Variants in ASIC2 observed in about 807,000 individuals in gnomAD.
ASIC2 encodes acid sensing ion channel subunit 2, also known as acid-sensing ion channel 2.
ASIC2 carries 25 observed loss-of-function variants against 57.3 expected under a neutral mutation model. The observed-to-expected ratio is 0.44, with a 90% CI of 0.32 to 0.61. The LOEUF (loss-of-function observed/expected upper bound fraction) is 0.61. ASIC2 is among the 20% of genes least tolerant of loss of function. The pLI is 0.06. For synonymous variants in ASIC2, 319 were observed against 307.5 expected, an observed-to-expected ratio of 1.04 and a Z score of -0.39; for missense variants, 641 against 738.1, an observed-to-expected ratio of 0.87 and a Z score of 1.52.
chr17:33,055,889 T>C (rs1268053592), intron 3 of ASIC2, among the ~76,000 whole-genome samples: 1 of 152,184 alleles, frequency 6.6e-6, no homozygotes, highest in Non-Finnish European at 1.5e-5. Context: ...AGGGCAGTGG[T>C]TGTCAACCGC....
At chr17:33,294,044 C>T (rs538989325), upstream of ASIC2, among the ~76,000 whole-genome samples, 97 of 152,234 alleles carry the variant, frequency 6.4e-4, no homozygotes, top group East Asian at 1.4e-3. Flanking sequence ...TGTCCCAGCC[C>T]CTTCCCTGGA....
intron 1 of ASIC2, among the ~76,000 whole-genome samples, chr17:33,918,035 A>G (rs569939493): frequency 1.3e-5 from 2 of 151,848 alleles, no homozygotes; most frequent in African/African-American, 2.4e-5. Context: ...TGCCTTCCCA[A>G]TATTATTTTT....
chr17:33,077,289 A>G (rs900174851), intron 3 of ASIC2, among the ~76,000 whole-genome samples: 5 of 152,192 alleles, frequency 3.3e-5, no homozygotes, highest in Admixed American at 3.3e-4. Flanking sequence ...CTCTCATTTC[A>G]GAATGATTTC....
intron 1 of ASIC2, among the ~76,000 whole-genome samples, chr17:33,401,529 T>C (rs1483767815): frequency 6.6e-6 from 1 of 152,186 alleles, no homozygotes; most frequent in African/African-American, 2.4e-5. Flanking sequence ...ACTGGATAGA[T>C]GTGATGGAAT....
intron 3 of ASIC2, among the ~76,000 whole-genome samples, chr17:33,068,752 G>A (rs2092054884): frequency 6.6e-6 from 1 of 151,882 alleles, no homozygotes; most frequent in Admixed American, 6.6e-5. Context: ...TGATCATTCT[G>A]GTTAGAGGTT....
intron 1 of ASIC2, among the ~76,000 whole-genome samples, chr17:33,950,206 C>G (rs1169933409): frequency 6.6e-6 from 1 of 152,196 alleles, no homozygotes; most frequent in Non-Finnish European, 1.5e-5. Flanking sequence ...ACTTCAATTT[C>G]CCTCTCAGCC....
At chr17:34,142,861 T>C (rs1171710006) in intron 1 of ASIC2, 1 of 152,124 alleles carries the variant, frequency 6.6e-6, no homozygotes, top group African/African-American at 2.4e-5. Flanking sequence ...CACACCTGGA[T>C]AGGGATACTC....
chr17:33,267,894 G>C (rs1909529230), intron 1 of ASIC2, among the ~76,000 whole-genome samples: 2 of 152,142 alleles, frequency 1.3e-5, no homozygotes, highest in Non-Finnish European at 2.9e-5. Flanking sequence ...CTCTGATGTG[G>C]GTGGTGGTTG....
intron 1 of ASIC2, among the ~76,000 whole-genome samples, chr17:33,838,832 C>T (rs949493412): frequency 2.0e-5 from 3 of 152,186 alleles, no homozygotes; most frequent in Non-Finnish European, 2.9e-5. Context: ...GTCTACCAAG[C>T]ATCAGAATGT....
intron 1 of ASIC2, among the ~76,000 whole-genome samples, chr17:33,701,893 T>G (rs994430455): frequency 1.3e-5 from 2 of 152,222 alleles, no homozygotes; most frequent in African/African-American, 4.8e-5. Flanking sequence ...AAGATGTATG[T>G]ATTTCATTGT....
intron 1 of ASIC2, among the ~76,000 whole-genome samples, chr17:33,336,831 C>A (rs1335139050): frequency 5.3e-5 from 8 of 152,124 alleles, no homozygotes; most frequent in Non-Finnish European, 1.2e-4. Context: ...GGGGGCGGGG[C>A]TTCTGTTAAC....
chr17:33,807,479 A>G (rs1376952886), intron 1 of ASIC2, among the ~76,000 whole-genome samples: 1 of 152,162 alleles, frequency 6.6e-6, no homozygotes, highest in Non-Finnish European at 1.5e-5. Context: ...AGACATAATC[A>G]ATCAATTACA....
intron 1 of ASIC2, chr17:33,623,955 C>A (rs961656561): frequency 6.6e-6 from 1 of 152,196 alleles, no homozygotes; most frequent in Admixed American, 6.5e-5. Context: ...GCTTCCTTGC[C>A]TGCCAGTCTG....
chr17:33,533,115 G>A (rs1915105240), intron 1 of ASIC2, among the ~76,000 whole-genome samples: 1 of 152,176 alleles, frequency 6.6e-6, no homozygotes, highest in African/African-American at 2.4e-5. Flanking sequence ...GGAGGCTGAG[G>A]CAGGCAGATT....
At chr17:33,461,945 T>G (rs1476311889) in intron 1 of ASIC2, among the ~76,000 whole-genome samples, 1 of 152,204 alleles carries the variant, frequency 6.6e-6, no homozygotes, top group Non-Finnish European at 1.5e-5. Flanking sequence ...AAAACTTTAT[T>G]GAGTACCTAC....
chr17:33,338,282 TG>T (rs1295895328), intron 1 of ASIC2, among the ~76,000 whole-genome samples: 1 of 152,198 alleles, frequency 6.6e-6, no homozygotes, highest in African/African-American at 2.4e-5. Context: ...TGAGGTGCTC[TG>T]GAAGGGCAAG....
At chr17:34,080,659 AAGG>A (rs2142078088) in intron 1 of ASIC2, among the ~76,000 whole-genome samples, 1 of 152,302 alleles carries the variant, frequency 6.6e-6, no homozygotes, top group South Asian at 2.1e-4. Flanking sequence ...TGGGAGGCAG[AAGG>A]AGATTATGAG....
chr17:33,384,915 C>T (rs868046470), intron 1 of ASIC2, among the ~76,000 whole-genome samples: 2 of 152,164 alleles, frequency 1.3e-5, no homozygotes, highest in Non-Finnish European at 2.9e-5. Flanking sequence ...AGGGCCATCT[C>T]TTCTGATGTG....
At chr17:33,121,523 T>A (rs9904060) in intron 1 of ASIC2, among the ~76,000 whole-genome samples, 1,583 of 152,216 alleles carry the variant, frequency 0.01, 32 homozygotes, top group African/African-American at 0.037. Context: ...TTGAGACAGA[T>A]CCCCTAGACT....
Sources: gnomAD v4.1 joint callset for allele counts (sites outside exome capture counted in the v4.1 genomes callset) on GRCh38, gnomAD v4.1.1 for gene constraint, MANE v1.5 for transcripts, NCBI Gene and HGNC (gene_info 2026-07-23, HGNC 2026-07-21) for gene names.